MAB21L3: variants seen among roughly 807,000 people sequenced by gnomAD.
MAB21L3 encodes mab-21 like 3.
Under a neutral mutation model 37.7 loss-of-function variants are expected in MAB21L3, and 36 were observed. The ratio of observed to expected loss-of-function variants is 0.96; its 90% CI spans 0.73 to 1.26. MAB21L3 has a LOEUF of 1.26. Ranked by LOEUF, MAB21L3 falls within the 50% of genes most tolerant of loss-of-function variation. The probability of loss-of-function intolerance (pLI) is 0.00; values close to 1 mark genes in which losing one functional copy is unlikely to be tolerated. For synonymous variants in MAB21L3, 186 were observed against 176.8 expected, an observed-to-expected ratio of 1.05 and a Z score of -0.41; for missense variants, 430 against 447.3, an observed-to-expected ratio of 0.96 and a Z score of 0.35.
intron 3 of MAB21L3, among the ~76,000 whole-genome samples, chr1:116,115,117 C>T (rs752162710): frequency 2.6e-5 from 4 of 152,112 alleles, no homozygotes; most frequent in Non-Finnish European, 5.9e-5. Context: ...ACTTTGGTTT[C>T]CTCATCTATA....
intron 3 of MAB21L3, among the ~76,000 whole-genome samples, chr1:116,117,025 A>T (rs1324241352): frequency 2.0e-5 from 3 of 151,930 alleles, no homozygotes; most frequent in Non-Finnish European, 4.4e-5. Context: ...GCTACTCTTC[A>T]CGTGTGTTAT....
At chr1:116,116,956 C>T (rs1659603840) in intron 3 of MAB21L3, among the ~76,000 whole-genome samples, 1 of 151,930 alleles carries the variant, frequency 6.6e-6, no homozygotes. Flanking sequence ...AAGAATTTCA[C>T]CATCAAATGA....
chr1:116,133,365 A>G lies in MAB21L3; in HGVS notation c.1089A>G (p.Ter363TrpextTer74), dbSNP rs1660128249. 3.1e-6 allele frequency: 5 copies of G among 1,613,460 alleles called. No homozygotes were observed. The highest frequency in any genetic ancestry group is 4.2e-6 in the Non-Finnish European group (5 of 1,179,400). The change falls in exon 8 of 8, where the codon TGA (stop) becomes TGG (tryptophan). Residue 363 changes from the stop codon to tryptophan, a stop_lost. Transcript: ENST00000369500. Reference sequence around the variant, plus strand: ...AGAACCCCCAGATCGGCCCGCCCTGATGGTTGCCCCGGCCTGGGAGGCTCT... The same window carrying G: ...AGAACCCCCAGATCGGCCCGCCCTGGTGGTTGCCCCGGCCTGGGAGGCTCT... ...FLKNPQIGPP* is the reference protein window; with the variant it reads ...FLKNPQIGPPW
At chr1:116,125,056 C>T (rs553649586) in intron 5 of MAB21L3, among the ~76,000 whole-genome samples, 8 of 148,030 alleles carry the variant, frequency 5.4e-5, no homozygotes, top group Admixed American at 2.7e-4. Context: ...AAAAAGAATA[C>T]AAATGGCTTG....
chr1:116,129,887 C>A (rs556436370), intron 7 of MAB21L3, among the ~76,000 whole-genome samples: 1 of 152,212 alleles, frequency 6.6e-6, no homozygotes, highest in African/African-American at 2.4e-5. Context: ...CATTCACATG[C>A]ACTGGGGCTT....
chr1:116,115,920 G>A (rs1473723514), intron 3 of MAB21L3, among the ~76,000 whole-genome samples: 1 of 152,156 alleles, frequency 6.6e-6, no homozygotes, highest in East Asian at 1.9e-4. Context: ...TTGTTTCCAT[G>A]TTTTGCCATG....
rs906105504 is a variant in MAB21L3 at position 116,112,411 on chromosome 1, C to G, written c.-205C>G. ...TTTTTTTTAATTTCCCAAAAGATGA[C>G]AGATGGATTTTCACAATTTGGAAAT... is the stretch of plus-strand genomic sequence containing the variant. On this transcript the variant is annotated 5_prime_UTR_variant, in exon 3 of 8. Coordinates refer to ENST00000369500, the MANE Select transcript of MAB21L3 (RefSeq NM_152367.3). The G allele has an allele frequency of 2.2e-6, 1 of 447,366 alleles. No individual in the cohort carries two copies. Among genetic ancestry groups the G allele is most frequent in the African/African-American group, 2.0e-5 (1 of 50,840 alleles). The allele number at this position is 447,366 out of a possible 1,614,324, so 27.7% of individuals were successfully genotyped here.
At chr1:116,114,102 C>A (rs1247070850) in intron 3 of MAB21L3, among the ~76,000 whole-genome samples, 2 of 152,190 alleles carry the variant, frequency 1.3e-5, no homozygotes, top group East Asian at 3.8e-4. Context: ...CACATATTCA[C>A]TCCCGTTATA....
At position 116,128,001 on chromosome 1, in the gene MAB21L3, C is replaced by CT. The variant is rs897322279; in HGVS notation, c.661-143dup. 5.9e-6 allele frequency: 5 copies of CT among 844,892 alleles called. No homozygotes were observed. The East Asian group carries it at 1.3e-4, about 22-fold the overall frequency. The allele number at this position is 844,892 out of a possible 1,614,324, so 52.3% of individuals were successfully genotyped here. A position where few individuals can be genotyped will look rare whatever the true frequency, so the allele number is the denominator to read the frequency against. The stretch of plus-strand genomic sequence containing the variant: ...ACATCCAAGGTGGCTTGTGGTCTCC[C>CT]TGGCACCCCCTTCTCATCCCCACGT... On this transcript the variant is annotated intron_variant, in intron 6 of 7. Coordinates refer to ENST00000369500, the MANE Select transcript of MAB21L3 (RefSeq NM_152367.3).
At position 116,118,547 on chromosome 1, in the gene MAB21L3, AT is replaced by A. The variant is rs137993692; in HGVS notation, c.49-2382del. The stretch of plus-strand genomic sequence containing the variant: ...ATTCTAGCTGTCAGACTCCATGGAC[AT>A]TTGGGGGCCTTAACTCACTCAAGCA... On this transcript the variant is annotated intron_variant, in intron 3 of 7. Coordinates refer to ENST00000369500, the MANE Select transcript of MAB21L3 (RefSeq NM_152367.3). Among the ~76,000 whole-genome samples, 952 of 152,234 alleles carry A rather than the reference AT, an allele frequency of 6.3e-3. 5 individuals carry two copies. Among genetic ancestry groups the A allele is most frequent in the Non-Finnish European group, 0.011 (766 of 68,000 alleles).
chr1:116,115,395 C>CGG (rs1659559098), intron 3 of MAB21L3, among the ~76,000 whole-genome samples: 1 of 151,244 alleles, frequency 6.6e-6, no homozygotes. Flanking sequence ...TTTAACTTTC[C>CGG]ATTTCTTTAC....
intron 7 of MAB21L3, 95 bp downstream of exon 7, chr1:116,128,434 A>T: frequency 8.1e-7 from 1 of 1,235,556 alleles, no homozygotes; most frequent in Admixed American, 2.9e-5. Flanking sequence ...GCCACTCAGA[A>T]GGGGTAGCAT....
At chr1:116,120,793 G>A (rs887929781) in intron 3 of MAB21L3, 139 bp from the exon 4 acceptor site, 2 of 1,014,328 alleles carry the variant, frequency 2.0e-6, no homozygotes, top group Non-Finnish European at 2.9e-6. Context: ...CATCTCCCCG[G>A]CATCTTGGGA....
In MAB21L3 at chr1:116,127,587, C is replaced by T; in HGVS notation, c.603C>T (p.Ala201=). ...TCCCCACCACCTGGTCCAAGAAAGCCCGGTGGCCTCGATGTCTGCAGCGCT... is the reference window on the plus strand; with the variant it reads ...TCCCCACCACCTGGTCCAAGAAAGCTCGGTGGCCTCGATGTCTGCAGCGCT... The part of the protein sequence containing the change: ...VEIPTTWSKK[A]RWPRCLQRWP... The change falls in exon 6 of 8, where the codon GCC becomes GCT. Residue 201 remains alanine, a synonymous_variant. Transcript: ENST00000369500. 1 of 1,614,142 alleles carries T rather than the reference C, an allele frequency of 6.2e-7. No homozygotes were observed. The highest frequency in any genetic ancestry group is 1.3e-5 in the African/African-American group (1 of 75,022).
At chr1:116,123,639 G>A (rs1659813932) in intron 4 of MAB21L3, among the ~76,000 whole-genome samples, 1 of 152,180 alleles carries the variant, frequency 6.6e-6, no homozygotes, top group Non-Finnish European at 1.5e-5. Context: ...TCTGCATCTT[G>A]AATTCCTTAT....
At chr1:116,129,776 A>G (rs1321210238) in intron 7 of MAB21L3, among the ~76,000 whole-genome samples, 5 of 152,152 alleles carry the variant, frequency 3.3e-5, no homozygotes, top group Admixed American at 2.0e-4. Context: ...ATCTTACTCA[A>G]CTTTTCTCTT....
chr1:116,121,190 T>G (rs752241208), intron 4 of MAB21L3, 118 bp downstream of exon 4: 28 of 1,038,986 alleles, frequency 2.7e-5, no homozygotes, highest in Non-Finnish European at 3.9e-5. Flanking sequence ...ATTCTTGTTT[T>G]CATAGGTATT....
At chr1:116,117,534 A>G (rs147120536) in intron 3 of MAB21L3, among the ~76,000 whole-genome samples, 1 of 152,016 alleles carries the variant, frequency 6.6e-6, no homozygotes, top group East Asian at 1.9e-4. Context: ...GCAAACTCCA[A>G]TCTTAGCACC....
At position 116,133,358 on chromosome 1, in the gene MAB21L3, C is replaced by T. The variant is rs760066154; in HGVS notation, c.1082C>T (p.Pro361Leu). Residue 361 changes from proline (P) to leucine (L), a missense_variant, in exon 8 of 8, where the codon CCG becomes CTG. Transcript: ENST00000369500. ...ATFLKNPQIG[P>L]P is the part of the protein sequence containing the mutation. ...TTCCTGAAGAACCCCCAGATCGGCC[C>T]GCCCTGATGGTTGCCCCGGCCTGGG... 1.6e-5 allele frequency: 26 copies of T among 1,613,910 alleles called. No individual in the cohort carries two copies. The highest frequency in any genetic ancestry group is 3.3e-4 in the Middle Eastern group (2 of 6,082).
Sources: allele counts gnomAD v4.1 joint callset (sites outside exome capture counted in the v4.1 genomes callset), GRCh38; gene constraint gnomAD v4.1.1; transcripts MANE v1.5; gene names NCBI Gene and HGNC (gene_info 2026-07-23, HGNC 2026-07-21).